Variants in PAK5 observed in about 807,000 individuals in gnomAD.
PAK5 encodes p21 (RAC1) activated kinase 5.
PAK5 carries 16 observed loss-of-function variants against 65.9 expected under a neutral mutation model. The observed-to-expected ratio is 0.24, with a 90% CI of 0.16 to 0.37. PAK5 has a LOEUF of 0.37. Ranked by LOEUF, PAK5 falls within the 10% of genes least tolerant of loss-of-function variation. The pLI is 1.00. For missense variants in PAK5, 785 were observed against 903.9 expected, an observed-to-expected ratio of 0.87 and a Z score of 1.69; for synonymous variants, 371 against 354.9, an observed-to-expected ratio of 1.05 and a Z score of -0.51.
Position 9,838,386 on chromosome 20 carries a change from T to C in PAK5, c.-162+376A>G, listed in dbSNP as rs1288769343. On this transcript the variant is annotated intron_variant, in intron 1 of 9. Coordinates refer to ENST00000353224, the MANE Select transcript of PAK5 (RefSeq NM_177990.4). The surrounding 1 kb of genome is among the most constrained non-coding windows in gnomAD (Gnocchi z 4.5). ...CACCCCCAGGGCGTGCGCTGCTGTATACACACAAAGAACTGGTGCTGGGCT... is the reference window on the plus strand; with the variant it reads ...CACCCCCAGGGCGTGCGCTGCTGTACACACACAAAGAACTGGTGCTGGGCT... Among the ~76,000 whole-genome samples, 1 of 152,154 alleles carries C rather than the reference T, an allele frequency of 6.6e-6. No homozygotes were observed. Among genetic ancestry groups the C allele is most frequent in the Non-Finnish European group, 1.5e-5 (1 of 68,024 alleles).
At chr20:9,659,584 G>C (rs2047316211) in intron 2 of PAK5, among the ~76,000 whole-genome samples, 1 of 152,142 alleles carries the variant, frequency 6.6e-6, no homozygotes, top group African/African-American at 2.4e-5. Flanking sequence ...AATTTTAAAC[G>C]ATAGAGTATT....
chr20:9,655,785 T>C (rs1435583802), intron 2 of PAK5, among the ~76,000 whole-genome samples: 1 of 152,164 alleles, frequency 6.6e-6, no homozygotes, highest in African/African-American at 2.4e-5. Context: ...ATAAATTTTA[T>C]TCTCACTTCT....
Position 9,539,423 on chromosome 20 carries a change from T to C in PAK5, c.*39A>G, listed in dbSNP as rs1198092720. The stretch of plus-strand genomic sequence containing the variant: ...CTTTTGTTCTCCTGAATTATTCTCA[T>C]GTCCTCATCTAGCTTTGCCACCTAC... On this transcript the variant is annotated 3_prime_UTR_variant, in exon 10 of 10. Coordinates refer to ENST00000353224, the MANE Select transcript of PAK5 (RefSeq NM_177990.4). The C allele has an allele frequency of 5.0e-6, 8 of 1,595,726 alleles. No homozygotes were observed. In the Admixed American group the frequency reaches 1.0e-4, roughly 20 times the overall value.
intron 1 of PAK5, among the ~76,000 whole-genome samples, chr20:9,780,781 G>A (rs2048933059): frequency 6.6e-6 from 1 of 152,084 alleles, no homozygotes; most frequent in South Asian, 2.1e-4. Context: ...CCATTTGAAT[G>A]TTAAGTAGAC....
At chr20:9,766,398 A>AC (rs1156241823) in intron 1 of PAK5, among the ~76,000 whole-genome samples, 1,833 of 78,052 alleles carry the variant, frequency 0.023, 302 homozygotes, top group Admixed American at 0.027. Context: ...GTATATATAT[A>AC]TTCAAGCAGA....
intron 7 of PAK5, among the ~76,000 whole-genome samples, chr20:9,556,951 C>T (rs2045516699): frequency 6.6e-6 from 1 of 152,172 alleles, no homozygotes; most frequent in African/African-American, 2.4e-5. Context: ...TCTCAGCTCT[C>T]ATCCTGCAGG....
chr20:9,833,499 G>A (rs531248190), intron 1 of PAK5, among the ~76,000 whole-genome samples: 128 of 124,706 alleles, frequency 1.0e-3, no homozygotes, highest in African/African-American at 3.8e-3. Context: ...TCATGTATTC[G>A]TCTCCACCAT....
intron 1 of PAK5, among the ~76,000 whole-genome samples, chr20:9,766,544 T>C (rs9753657): frequency 0.27 from 22,078 of 80,870 alleles, 6,148 homozygotes; most frequent in East Asian, 0.62. Flanking sequence ...TATATATATA[T>C]ATATATTTTC....
chr20:9,675,526 A>T (rs1690038289), intron 2 of PAK5, among the ~76,000 whole-genome samples: 1 of 152,108 alleles, frequency 6.6e-6, no homozygotes, highest in Non-Finnish European at 1.5e-5. Context: ...TATTTATTTT[A>T]GAGATGGAGT....
At position 9,594,062 on chromosome 20, in the gene PAK5, C is replaced by T. The variant is rs536799671; in HGVS notation, c.205-13132G>A. Among the ~76,000 whole-genome samples, 3 of 152,298 alleles carry T rather than the reference C, an allele frequency of 2.0e-5. No individual in the cohort carries two copies. The South Asian group carries it at 6.2e-4, about 32-fold the overall frequency. ...TCAGGGTGGAGGCCAGGGTCTCTTCCCAGACCAATTACATCTCTGATCATC... is the reference window on the plus strand; with the variant it reads ...TCAGGGTGGAGGCCAGGGTCTCTTCTCAGACCAATTACATCTCTGATCATC... On this transcript the variant is annotated intron_variant, in intron 3 of 9. Coordinates refer to ENST00000353224, the MANE Select transcript of PAK5 (RefSeq NM_177990.4).
intron 1 of PAK5, among the ~76,000 whole-genome samples, chr20:9,829,907 CT>C (rs1978570920): frequency 6.6e-6 from 1 of 152,208 alleles, no homozygotes. Flanking sequence ...ATCCCTTTCT[CT>C]TTCTACCATG....
intron 1 of PAK5, among the ~76,000 whole-genome samples, chr20:9,833,202 G>A (rs76915117): frequency 0.066 from 10,044 of 152,204 alleles, 412 homozygotes; most frequent in Middle Eastern, 0.16. Context: ...CAATTTCCAT[G>A]ACGTTTTGTC....
In PAK5 at chr20:9,598,068, T is replaced by C. The variant is rs12624382; in HGVS notation, c.205-17138A>G. Among the ~76,000 whole-genome samples the C allele has an allele frequency of 1.6e-3, 239 of 152,364 alleles. 2 individuals carry two copies. The East Asian group carries it at 0.031, about 20-fold the overall frequency. Reference sequence around the variant, plus strand: ...ACCTATCAATCTCTCACCTAGGTAGTAAGCCCTGCATGCATTAGCTACTTA... The same window carrying C: ...ACCTATCAATCTCTCACCTAGGTAGCAAGCCCTGCATGCATTAGCTACTTA... On this transcript the variant is annotated intron_variant, in intron 3 of 9. Transcript: ENST00000353224.
In PAK5 at chr20:9,644,321, C is replaced by A; in HGVS notation, c.8G>T (p.Gly3Val). The A allele has an allele frequency of 1.9e-6, 3 of 1,609,292 alleles. No homozygotes were observed. Among genetic ancestry groups the A allele is most frequent in the Non-Finnish European group, 2.5e-6 (3 of 1,178,016 alleles). Residue 3 changes from glycine to valine, a missense_variant, in exon 3 of 10, where the codon GGG becomes GTG. Physicochemically the swap from Gly to Val is moderately radical, Grantham distance 109 (BLOSUM62 -3). Coordinates refer to ENST00000353224, the MANE Select transcript of PAK5 (RefSeq NM_177990.4). MF[G>V]KKKKKIEISG... ...TATTTCAATCTTTTTCTTTTTCTTCCCAAACATGATGCCAAAACCTGGGAA... is the reference window on the plus strand; with the variant it reads ...TATTTCAATCTTTTTCTTTTTCTTCACAAACATGATGCCAAAACCTGGGAA...
At chr20:9,826,655 C>T (rs1020160919) in intron 1 of PAK5, among the ~76,000 whole-genome samples, 2 of 152,184 alleles carry the variant, frequency 1.3e-5, no homozygotes, top group African/African-American at 2.4e-5. Context: ...CCTGGGGAAC[C>T]TCTTGCTGGG....
At chr20:9,777,703 A>C (rs143187421) in intron 1 of PAK5, among the ~76,000 whole-genome samples, 9 of 152,302 alleles carry the variant, frequency 5.9e-5, no homozygotes, top group African/African-American at 2.2e-4. Flanking sequence ...ATATACATAT[A>C]TTTTTTTGAA....
At chr20:9,647,259 C>A (rs1398136430) in intron 2 of PAK5, among the ~76,000 whole-genome samples, 1 of 152,190 alleles carries the variant, frequency 6.6e-6, no homozygotes, top group Admixed American at 6.5e-5. Context: ...GGAAATTACA[C>A]CAATAATTAG....
At chr20:9,791,330 C>T (rs1569089509) in intron 1 of PAK5, among the ~76,000 whole-genome samples, 2 of 152,118 alleles carry the variant, frequency 1.3e-5, no homozygotes, top group Non-Finnish European at 2.9e-5. Flanking sequence ...ATATGTTCCA[C>T]CTTCTCTTCC....
chr20:9,635,045 TAA>T (rs1193945756), intron 3 of PAK5, among the ~76,000 whole-genome samples: 2 of 152,224 alleles, frequency 1.3e-5, no homozygotes, highest in African/African-American at 4.8e-5. Flanking sequence ...CAAGAGGTTT[TAA>T]AACATAGGTA....
Sources: allele counts gnomAD v4.1 joint callset (sites outside exome capture counted in the v4.1 genomes callset), GRCh38; gene constraint gnomAD v4.1.1; non-coding constraint Gnocchi (gnomAD v3.1); transcripts MANE v1.5; gene names NCBI Gene and HGNC (gene_info 2026-07-23, HGNC 2026-07-21).